The following NEDD9 variants were observed in gnomAD, a reference collection of about 807,000 sequenced individuals.
NEDD9 encodes neural precursor cell expressed, developmentally down-regulated 9.
NEDD9 carries 26 observed loss-of-function variants against 76.6 expected under a neutral mutation model. The ratio of observed to expected loss-of-function variants is 0.34; its 90% CI spans 0.25 to 0.47. The LOEUF (loss-of-function observed/expected upper bound fraction) is 0.47. NEDD9 is among the 20% of genes least tolerant of loss of function. The pLI, the probability that NEDD9 is intolerant of heterozygous loss-of-function variation, is 1.00. For synonymous variants in NEDD9, 392 were observed against 414.2 expected (o/e 0.95, Z 0.65); for missense variants, 937 against 1,058.5 (o/e 0.89, Z 1.59).
chr6:11,300,774 G>A (rs962051034), intron 3 of NEDD9, among the ~76,000 whole-genome samples: 2 of 152,204 alleles, frequency 1.3e-5, no homozygotes, highest in African/African-American at 2.4e-5. Context: ...AGCTTCATAA[G>A]TGAAGGAGAA....
At chr6:11,262,300 C>T (rs772630313) in intron 3 of NEDD9, among the ~76,000 whole-genome samples, 1 of 152,168 alleles carries the variant, frequency 6.6e-6, no homozygotes, top group African/African-American at 2.4e-5. Context: ...CTTACTTTCT[C>T]GGCAATGTGA....
At chr6:11,350,547 G>A (rs895442670) in intron 1 of NEDD9, among the ~76,000 whole-genome samples, 1 of 152,196 alleles carries the variant, frequency 6.6e-6, no homozygotes, top group Admixed American at 6.5e-5. Flanking sequence ...ATCTGCTTTG[G>A]CAACTTCCTC....
chr6:11,308,117 G>A (rs555773342), intron 2 of NEDD9, among the ~76,000 whole-genome samples: 4 of 152,082 alleles, frequency 2.6e-5, no homozygotes, highest in Non-Finnish European at 5.9e-5. Context: ...GCAGATATTC[G>A]TAAAAGGCCA....
chr6:11,237,127 C>T (rs1169146566), upstream of NEDD9, among the ~76,000 whole-genome samples: 1 of 152,176 alleles, frequency 6.6e-6, no homozygotes, highest in Non-Finnish European at 1.5e-5. The surrounding 1 kb of genome is among the most constrained non-coding windows in gnomAD (Gnocchi z 4.9). Flanking sequence ...CTCGCCCTTT[C>T]AGAACTAATT....
chr6:11,188,136 A>G, intron 6 of NEDD9, 82 bp downstream of exon 6: 1 of 1,062,688 alleles, frequency 9.4e-7, no homozygotes, highest in East Asian at 2.4e-5. Flanking sequence ...CAAAATCATA[A>G]TCTCTTGAAG....
At chr6:11,344,312 T>G (rs1470233205) in intron 1 of NEDD9, among the ~76,000 whole-genome samples, 3 of 152,210 alleles carry the variant, frequency 2.0e-5, no homozygotes, top group Non-Finnish European at 4.4e-5. Context: ...TCCACTCTGT[T>G]GGAAAGTCCC....
chr6:11,322,574 A>G (rs879869040), intron 2 of NEDD9, among the ~76,000 whole-genome samples: 1 of 152,200 alleles, frequency 6.6e-6, no homozygotes, highest in African/African-American at 2.4e-5. Context: ...TCAACCCTGC[A>G]TCAGCCTGAG....
intron 3 of NEDD9, among the ~76,000 whole-genome samples, chr6:11,265,293 T>G (rs1249760705): frequency 6.6e-6 from 1 of 152,222 alleles, no homozygotes; most frequent in Non-Finnish European, 1.5e-5. Flanking sequence ...GAGAGATAAG[T>G]GGAAAAACGC....
intron 1 of NEDD9, chr6:11,352,746 A>G (rs1484341096): frequency 6.6e-6 from 1 of 151,714 alleles, no homozygotes; most frequent in African/African-American, 2.4e-5. Context: ...TACAGGTAAC[A>G]TCCTTGGTGT....
intron 1 of NEDD9, among the ~76,000 whole-genome samples, chr6:11,341,922 CA>C (rs754586837): frequency 2.6e-5 from 4 of 151,854 alleles, no homozygotes; most frequent in Non-Finnish European, 5.9e-5. Flanking sequence ...AATATATATT[CA>C]AAAAATATAT....
intron 2 of NEDD9, among the ~76,000 whole-genome samples, chr6:11,309,801 G>A (rs1265890587): frequency 6.6e-6 from 1 of 152,108 alleles, no homozygotes; most frequent in Non-Finnish European, 1.5e-5. Context: ...CAAGTTGACT[G>A]CTAATAACAT....
chr6:11,187,575 T>C (rs79803696), intron 6 of NEDD9, among the ~76,000 whole-genome samples: 2 of 151,852 alleles, frequency 1.3e-5, no homozygotes, highest in Middle Eastern at 3.2e-3. Context: ...GAAAGAGAAA[T>C]GGCCCAATCA....
chr6:11,323,328 G>A (rs1454764378), intron 2 of NEDD9, among the ~76,000 whole-genome samples: 1 of 152,240 alleles, frequency 6.6e-6, no homozygotes, highest in East Asian at 1.9e-4. Flanking sequence ...CTAGAAGGAA[G>A]CCAAAGCAAT....
chr6:11,223,122 A>G (rs1191056892), intron 1 of NEDD9, among the ~76,000 whole-genome samples: 2 of 152,216 alleles, frequency 1.3e-5, no homozygotes, highest in Non-Finnish European at 2.9e-5. Flanking sequence ...AGCCCCCACC[A>G]CAAAGAATGA....
intron 3 of NEDD9, among the ~76,000 whole-genome samples, chr6:11,276,287 C>G (rs1760414741): frequency 6.6e-6 from 1 of 152,210 alleles, no homozygotes; most frequent in Admixed American, 6.5e-5. Context: ...TATTTAGCTA[C>G]TACTTAATTG....
intron 3 of NEDD9, among the ~76,000 whole-genome samples, chr6:11,270,367 C>CTT (rs34680497): frequency 1.4e-5 from 2 of 139,878 alleles, no homozygotes; most frequent in Non-Finnish European, 1.6e-5. Context: ...TCCCCTCAAC[C>CTT]TTTTTTTTTT....
intron 3 of NEDD9, among the ~76,000 whole-genome samples, chr6:11,263,516 C>T (rs1398640581): frequency 6.6e-6 from 1 of 152,152 alleles, no homozygotes; most frequent in Non-Finnish European, 1.5e-5. Flanking sequence ...ATCTGTCTGG[C>T]GCATGGATGG....
intron 2 of NEDD9, among the ~76,000 whole-genome samples, chr6:11,307,630 A>G (rs1178884057): frequency 6.6e-6 from 1 of 152,054 alleles, no homozygotes; most frequent in African/African-American, 2.4e-5. Context: ...CAGTACCAGA[A>G]ATTATATATA....
Position 11,185,532 on chromosome 6 carries a change from T to G in NEDD9, c.2135A>C (p.Tyr712Ser). The G allele has an allele frequency of 1.2e-6, 2 of 1,614,228 alleles. No individual in the cohort carries two copies. The highest frequency in any genetic ancestry group is 2.2e-5 in the South Asian group (2 of 91,088). The change falls in exon 7 of 7, where the codon TAT becomes TCT. Residue 712 changes from tyrosine to serine, a missense_variant. Physicochemically the swap from Tyr to Ser is moderately radical, Grantham distance 144. Transcript: ENST00000379446. ...AATGAAATGGGTCTCACATTGGTCA[T>G]AGTAGAAGCACAGCAACTGCCGATC... ...AQDRQLLCFY[Y>S]DQCETHFISL...
Sources: allele counts gnomAD v4.1 joint callset (sites outside exome capture counted in the v4.1 genomes callset), GRCh38; gene constraint gnomAD v4.1.1; non-coding constraint Gnocchi (gnomAD v3.1); transcripts MANE v1.5; gene names NCBI Gene and HGNC (gene_info 2026-07-23, HGNC 2026-07-21).